Variants in CHD1L observed in about 807,000 individuals in gnomAD.
The protein encoded by CHD1L is chromodomain helicase DNA binding protein 1 like, also known as ATP-dependent chromatin remodeler CHD1L.
Under a neutral mutation model 115.9 loss-of-function variants are expected in CHD1L, and 118 were observed. The observed-to-expected ratio is 1.02, with a 90% CI of 0.88 to 1.19. CHD1L has a LOEUF of 1.19. CHD1L is among the 50% of genes most tolerant of loss of function. The pLI is 0.00. For synonymous variants in CHD1L, 411 were observed against 387.1 expected (o/e 1.06, Z -0.72); for missense variants, 1,179 against 1,065.3 (o/e 1.11, Z -1.49).
At chr1:147,216,086 C>T in the CHD1L span, 1 of 595,874 alleles carries the variant, frequency 1.7e-6, no homozygotes, top group Non-Finnish European at 2.9e-6. Flanking sequence ...CTTATGTAGT[C>T]CCTTCCCCTT....
intron 14 of CHD1L, among the ~76,000 whole-genome samples, chr1:147,277,604 G>C (rs1446767046): frequency 6.6e-6 from 1 of 152,074 alleles, no homozygotes; most frequent in Non-Finnish European, 1.5e-5. Context: ...GACTTTCCTT[G>C]TGTTGCTGAC....
At chr1:147,234,845 G>C in the CHD1L span, among the ~76,000 whole-genome samples, 20 of 152,232 alleles carry the variant, frequency 1.3e-4, no homozygotes, top group African/African-American at 4.6e-4. Context: ...CATGGCAGAG[G>C]GTAGGAATAA....
At chr1:147,176,880 G>T in the CHD1L span, among the ~76,000 whole-genome samples, 2 of 151,918 alleles carry the variant, frequency 1.3e-5, no homozygotes, top group East Asian at 1.9e-4. Context: ...TAAATCCTGG[G>T]TTACGGTAGG....
chr1:147,205,415 T>G, the CHD1L span, among the ~76,000 whole-genome samples: 1 of 152,146 alleles, frequency 6.6e-6, no homozygotes, highest in Admixed American at 6.5e-5. Context: ...CCCACTAAGA[T>G]CAACATGTCC....
chr1:147,280,732 C>T (rs1441502798), intron 15 of CHD1L, among the ~76,000 whole-genome samples: 1 of 152,010 alleles, frequency 6.6e-6, no homozygotes, highest in East Asian at 1.9e-4. Flanking sequence ...CAGCATTTGT[C>T]ATTTTGTTCT....
the CHD1L span, among the ~76,000 whole-genome samples, chr1:147,192,072 A>C: frequency 6.6e-6 from 1 of 152,128 alleles, no homozygotes; most frequent in Admixed American, 6.5e-5. Context: ...CTTGATGCGG[A>C]TGGCATTTAA....
At position 147,287,709 on chromosome 1, in the gene CHD1L, T is replaced by C; in HGVS notation, c.2296T>C (p.Tyr766His). The change falls in exon 19 of 23, where the codon TAT becomes CAT. Residue 766 changes from tyrosine to histidine, a missense_variant. By Grantham distance (83) the Tyr-to-His change is moderately conservative (BLOSUM62 2). Transcript: ENST00000369258. ...EKRSAEPRKI[Y>H]ELAGKMKDLS... ...GCGATCCGCTGAGCCAAGAAAAATA[T>C]ATGAGCTGGCTGGGAAAATGAAAGG... The C allele has an allele frequency of 1.2e-6, 2 of 1,613,950 alleles. No homozygotes were observed. The highest frequency in any genetic ancestry group is 1.1e-5 in the South Asian group (1 of 91,056).
intron 6 of CHD1L, among the ~76,000 whole-genome samples, chr1:147,264,109 C>G (rs1346171208): frequency 6.6e-6 from 1 of 152,186 alleles, no homozygotes; most frequent in East Asian, 1.9e-4. Context: ...GAATCCCCAT[C>G]TAAATTCAGT....
the CHD1L span, among the ~76,000 whole-genome samples, chr1:147,188,522 C>A: frequency 1.5e-3 from 93 of 61,182 alleles, no homozygotes; most frequent in Middle Eastern, 9.8e-3. Context: ...GACCCCATAT[C>A]AAAAAAAAAA....
chr1:147,186,496 T>C, the CHD1L span: 7 of 987,878 alleles, frequency 7.1e-6, no homozygotes, highest in Non-Finnish European at 8.4e-6. Context: ...TAATAGAAAA[T>C]CAAACCCTAT....
In CHD1L at chr1:147,288,347, G is replaced by A. The variant is rs1348524662; in HGVS notation, c.2320+614G>A. ...CAATAAAAAAAAAAAAAAAAAAAAA[G>A]AAAAAGAGAACTATTGGAATAAACA... On this transcript the variant is annotated intron_variant, in intron 19 of 22. Coordinates refer to ENST00000369258, the MANE Select transcript of CHD1L (RefSeq NM_004284.6). Among the ~76,000 whole-genome samples, 968 of 121,664 alleles carry A rather than the reference G, an allele frequency of 8.0e-3. 6 individuals carry two copies. Among genetic ancestry groups the A allele is most frequent in the African/African-American group, 0.017 (510 of 30,778 alleles). 79.8% of individuals were successfully genotyped at this position (121,664 alleles called of 152,430 possible).
intron 19 of CHD1L, among the ~76,000 whole-genome samples, chr1:147,288,343 A>G (rs1230634224): frequency 0.1 from 5,306 of 52,032 alleles, 196 homozygotes; most frequent in African/African-American, 0.22. Context: ...AAAAAAAAAA[A>G]AAAGAAAAAG....
the CHD1L span, among the ~76,000 whole-genome samples, chr1:147,217,005 C>T: frequency 6.6e-6 from 1 of 152,134 alleles, no homozygotes; most frequent in Non-Finnish European, 1.5e-5. Context: ...CTTTGGGAGG[C>T]TGAGGTGGGT....
chr1:147,284,522 A>G lies in CHD1L; in HGVS notation c.1854+23A>G. 5 of 1,541,602 alleles carry G rather than the reference A, an allele frequency of 3.2e-6. No individual in the cohort carries two copies. In the South Asian group the frequency reaches 6.2e-5, roughly 19 times the overall value. ...AGTGTAAGAACTGTTAATTTATTTA[A>G]AAGTTGTTCTTCCAAACTCTCATTC... is the stretch of plus-strand genomic sequence containing the variant. On this transcript the variant is annotated intron_variant, in intron 16 of 22. Transcript: ENST00000369258.
the CHD1L span, among the ~76,000 whole-genome samples, chr1:147,214,477 AG>A: frequency 6.7e-6 from 1 of 149,726 alleles, no homozygotes; most frequent in Non-Finnish European, 1.5e-5. Context: ...AAAAAAAAAA[AG>A]AGAGACAAAC....
the CHD1L span, chr1:147,179,170 C>T: frequency 1.9e-6 from 3 of 1,614,056 alleles, no homozygotes; most frequent in Non-Finnish European, 2.5e-6. Flanking sequence ...GGAGAGGTTC[C>T]TGCAGGATTA....
the CHD1L span, among the ~76,000 whole-genome samples, chr1:147,198,332 C>T: frequency 6.6e-6 from 1 of 152,124 alleles, no homozygotes; most frequent in Admixed American, 6.5e-5. Context: ...GGCAAATAAA[C>T]ATGAGTCCTT....
At chr1:147,231,074 C>T in the CHD1L span, among the ~76,000 whole-genome samples, 1 of 152,022 alleles carries the variant, frequency 6.6e-6, no homozygotes, top group Non-Finnish European at 1.5e-5. Flanking sequence ...GCTCTTGCTT[C>T]TCTAGTTCTT....
chr1:147,273,599 G>A (rs1326525241), intron 12 of CHD1L, among the ~76,000 whole-genome samples: 1 of 152,150 alleles, frequency 6.6e-6, no homozygotes, highest in African/African-American at 2.4e-5. Flanking sequence ...AAAGAATCAG[G>A]CAGTGCATCA....
Sources: gnomAD v4.1 joint callset for allele counts (sites outside exome capture counted in the v4.1 genomes callset) on GRCh38, gnomAD v4.1.1 for gene constraint, MANE v1.5 for transcripts, NCBI Gene and HGNC (gene_info 2026-07-23, HGNC 2026-07-21) for gene names.